The following SND1 variants were observed in gnomAD, a reference collection of about 807,000 sequenced individuals.
SND1 encodes the protein staphylococcal nuclease and tudor domain containing 1.
Under a neutral mutation model 121.7 loss-of-function variants are expected in SND1, and 38 were observed. That is an observed-to-expected ratio of 0.31 (90% CI 0.24 to 0.41). The LOEUF is 0.41. Among genes scored for constraint, SND1 ranks in the 10% least tolerant of loss-of-function variants. The pLI is 1.00. For missense variants in SND1, 868 were observed against 1,184.6 expected, an observed-to-expected ratio of 0.73 and a Z score of 3.92; for synonymous variants, 401 against 447.4, an observed-to-expected ratio of 0.90 and a Z score of 1.31.
intron 11 of SND1, among the ~76,000 whole-genome samples, chr7:127,808,721 C>T (rs1466281495): frequency 6.6e-6 from 1 of 152,218 alleles, no homozygotes; most frequent in Non-Finnish European, 1.5e-5. Flanking sequence ...AACTTGACAG[C>T]ATGCTGTATT....
intron 16 of SND1, among the ~76,000 whole-genome samples, chr7:128,026,799 G>A (rs917547700): frequency 2.0e-5 from 3 of 152,140 alleles, no homozygotes; most frequent in Non-Finnish European, 4.4e-5. Flanking sequence ...GCTTTTCCAG[G>A]GCATAGGGAA....
chr7:127,876,802 T>TTG (rs1473955613), intron 12 of SND1, among the ~76,000 whole-genome samples: 3 of 152,146 alleles, frequency 2.0e-5, no homozygotes, highest in African/African-American at 7.2e-5. Flanking sequence ...AGCATGTTTG[T>TTG]TGTATAGCAG....
chr7:127,849,688 G>T (rs999054337), intron 12 of SND1, among the ~76,000 whole-genome samples: 1 of 152,228 alleles, frequency 6.6e-6, no homozygotes, highest in Admixed American at 6.5e-5. Flanking sequence ...CTTGAAAGGT[G>T]AGCAAGTGAA....
rs1012399385 is a variant in SND1 at position 127,772,215 on chromosome 7, A to T, written c.1153-35269A>T. Among the ~76,000 whole-genome samples, 17 of 152,198 alleles carry T rather than the reference A, an allele frequency of 1.1e-4. 1 individual carries two copies. Among genetic ancestry groups the T allele is most frequent in the Non-Finnish European group, 2.2e-4 (15 of 68,038 alleles). On this transcript the variant is annotated intron_variant, in intron 10 of 23. Coordinates refer to ENST00000354725, the MANE Select transcript of SND1 (RefSeq NM_014390.4). ...ATGTCCTTGAATCTTACAGGCTTAG[A>T]CCTGGAGGAGACTCTGAGAGTATGT...
Position 127,721,269 on chromosome 7 carries a change from G to A in SND1, c.1039-18G>A, listed in dbSNP as rs1236698986. 3 of 1,591,974 alleles carry A rather than the reference G, an allele frequency of 1.9e-6. No individual in the cohort carries two copies. In the South Asian group the frequency reaches 3.3e-5, roughly 18 times the overall value. ...GGGCCATAGAAGCAGGTTTAAGCAT[G>A]TTCCTTTTTGCTCACAGGTGATGCA... On this transcript the variant is annotated intron_variant, in intron 9 of 23. Transcript: ENST00000354725.
chr7:127,970,080 T>C (rs1185820111), intron 15 of SND1, among the ~76,000 whole-genome samples: 3 of 152,182 alleles, frequency 2.0e-5, no homozygotes, highest in Non-Finnish European at 4.4e-5. Context: ...TCACTTGTTG[T>C]ACTTTAAAAA....
chr7:127,763,974 G>A (rs1046477599), intron 10 of SND1, among the ~76,000 whole-genome samples: 1 of 148,930 alleles, frequency 6.7e-6, no homozygotes, highest in Non-Finnish European at 1.5e-5. Flanking sequence ...AGGCTGAGGT[G>A]GTTGCAGTGA....
intron 15 of SND1, among the ~76,000 whole-genome samples, chr7:127,936,286 T>G (rs1037803127): frequency 3.9e-5 from 6 of 152,140 alleles, no homozygotes; most frequent in African/African-American, 1.4e-4. Context: ...CAGACACTTC[T>G]TGTCCATAGT....
At chr7:127,834,122 C>T (rs1798821447) in intron 11 of SND1, among the ~76,000 whole-genome samples, 2 of 152,158 alleles carry the variant, frequency 1.3e-5, no homozygotes, top group Admixed American at 1.3e-4. Context: ...GTTGCTTCCA[C>T]CTTTGGCTGT....
chr7:127,706,302 G>A (rs1448568745), intron 8 of SND1, among the ~76,000 whole-genome samples: 11 of 123,054 alleles, frequency 8.9e-5, no homozygotes, highest in Non-Finnish European at 1.6e-4. Flanking sequence ...CTGTTGCCAG[G>A]CTGGAGTGCA....
At chr7:127,922,194 T>TTTTTTTTTTTTTTGTTTTG (rs1563059003) in intron 14 of SND1, among the ~76,000 whole-genome samples, 1 of 63,638 alleles carries the variant, frequency 1.6e-5, no homozygotes, top group African/African-American at 4.7e-5. Context: ...TTTTTTTTTT[T>TTTTTTTTTTTTTTGTTTTG]TTTTTTTTTG....
intron 10 of SND1, among the ~76,000 whole-genome samples, chr7:127,750,514 A>G (rs1797070121): frequency 6.6e-6 from 1 of 152,216 alleles, no homozygotes; most frequent in African/African-American, 2.4e-5. Context: ...CCATAATTAA[A>G]CACATTAAAA....
At chr7:127,975,586 A>G (rs1802100789) in intron 15 of SND1, among the ~76,000 whole-genome samples, 1 of 152,188 alleles carries the variant, frequency 6.6e-6, no homozygotes, top group African/African-American at 2.4e-5. Flanking sequence ...GGATTAAGAT[A>G]TGGTGGAGAG....
intron 15 of SND1, among the ~76,000 whole-genome samples, chr7:127,939,279 T>C (rs973244174): frequency 6.6e-6 from 1 of 152,024 alleles, no homozygotes; most frequent in African/African-American, 2.4e-5. Flanking sequence ...CAGAGGAGGA[T>C]GAACAAAGAT....
intron 12 of SND1, among the ~76,000 whole-genome samples, chr7:127,855,165 T>C (rs7786041): frequency 0.9 from 136,450 of 152,060 alleles, 61,527 homozygotes; most frequent in African/African-American, 0.98. Context: ...GTCACCCATG[T>C]TGGAGTGCTG....
At chr7:127,814,681 A>C (rs1264368877) in intron 11 of SND1, among the ~76,000 whole-genome samples, 3 of 152,068 alleles carry the variant, frequency 2.0e-5, no homozygotes, top group Admixed American at 1.3e-4. Flanking sequence ...GAAAGAGTCC[A>C]ATTGGAAAGC....
chr7:127,982,508 A>T (rs965919770), intron 15 of SND1, among the ~76,000 whole-genome samples: 1 of 152,232 alleles, frequency 6.6e-6, no homozygotes, highest in Non-Finnish European at 1.5e-5. Context: ...ACATGTTCCA[A>T]AATTGGTCCA....
chr7:127,846,047 G>A (rs1265885609), intron 12 of SND1, among the ~76,000 whole-genome samples: 1 of 152,106 alleles, frequency 6.6e-6, no homozygotes, highest in Non-Finnish European at 1.5e-5. Flanking sequence ...TGCAAATGTG[G>A]GGTAGCTGTC....
chr7:128,024,058 A>C (rs1354721832), intron 16 of SND1, among the ~76,000 whole-genome samples: 1 of 89,172 alleles, frequency 1.1e-5, no homozygotes, highest in Non-Finnish European at 2.1e-5. Flanking sequence ...GCACTATGCT[A>C]TATTGCTGTG....
Sources: allele counts gnomAD v4.1 joint callset (sites outside exome capture counted in the v4.1 genomes callset), GRCh38; gene constraint gnomAD v4.1.1; transcripts MANE v1.5; gene names NCBI Gene and HGNC (gene_info 2026-07-23, HGNC 2026-07-21).